The following ARHGAP10 variants were observed in gnomAD, a reference collection of about 807,000 sequenced individuals.
The protein encoded by ARHGAP10 is Rho GTPase activating protein 10.
Under a neutral mutation model 108.6 loss-of-function variants are expected in ARHGAP10, and 87 were observed. The observed-to-expected ratio is 0.80, with a 90% CI of 0.67 to 0.96. The LOEUF (loss-of-function observed/expected upper bound fraction) is 0.96, where lower values mean the gene tolerates loss of function less well. Among genes scored for constraint, ARHGAP10 ranks in the 40% least tolerant of loss-of-function variants. The pLI is 0.00. For synonymous variants in ARHGAP10, 347 were observed against 341.1 expected (o/e 1.02, Z -0.19); for missense variants, 939 against 954.5 (o/e 0.98, Z 0.21).
chr4:147,765,340 G>T (rs867814586), intron 1 of ARHGAP10, among the ~76,000 whole-genome samples: 1,523 of 148,100 alleles, frequency 0.01, 49 homozygotes, highest in Middle Eastern at 0.024. Flanking sequence ...GTGTGTGTGG[G>T]GGGGGGGGTG....
At chr4:147,769,543 T>A (rs1579021931) in intron 1 of ARHGAP10, among the ~76,000 whole-genome samples, 1 of 152,326 alleles carries the variant, frequency 6.6e-6, no homozygotes, top group African/African-American at 2.4e-5. Context: ...TTCCCGGGGA[T>A]TTCCGTATGT....
chr4:148,032,490 A>G (rs183283455), intron 19 of ARHGAP10, among the ~76,000 whole-genome samples: 1 of 152,278 alleles, frequency 6.6e-6, no homozygotes, highest in East Asian at 1.9e-4. Context: ...CTGTAGGTAT[A>G]TGCCAAACAT....
chr4:147,990,345 G>C (rs1243679184), intron 18 of ARHGAP10, among the ~76,000 whole-genome samples: 1 of 152,200 alleles, frequency 6.6e-6, no homozygotes, highest in Non-Finnish European at 1.5e-5. Flanking sequence ...ATGAATGTTA[G>C]CCAGAAAATG....
chr4:148,040,820 G>GA (rs1473054906), intron 19 of ARHGAP10, among the ~76,000 whole-genome samples: 1 of 151,820 alleles, frequency 6.6e-6, no homozygotes, highest in Non-Finnish European at 1.5e-5. Flanking sequence ...GATTTGGGGG[G>GA]GGTTATTTGG....
intron 18 of ARHGAP10, among the ~76,000 whole-genome samples, chr4:148,006,926 G>A (rs1740973922): frequency 6.6e-6 from 1 of 152,090 alleles, no homozygotes; most frequent in South Asian, 2.1e-4. Flanking sequence ...CTTATCAGTG[G>A]ACCTTTGTGG....
intron 18 of ARHGAP10, among the ~76,000 whole-genome samples, 167 bp downstream of exon 18, chr4:147,967,006 G>T (rs1445006593): frequency 6.6e-6 from 1 of 152,172 alleles, no homozygotes; most frequent in East Asian, 1.9e-4. Context: ...TCTGTCTTCT[G>T]ATGGAGTTCC....
rs35472561 is a variant in ARHGAP10 at position 148,017,652 on chromosome 4, C to CTATATATATATATATA, written c.1717-5595_1717-5580dup. Among the ~76,000 whole-genome samples the CTATATATATATATATA allele has an allele frequency of 7.4e-4, 78 of 105,278 alleles. 1 individual carries two copies. The highest frequency in any genetic ancestry group is 2.5e-3 in the African/African-American group (59 of 23,596). The allele number at this position is 105,278 out of a possible 152,430, so 69.1% of individuals were successfully genotyped here. ...AGCTGTGACAGTTATGAGCCAGTAA[C>CTATATATATATATATA]TATATATATATATATATATATATAT... is the stretch of plus-strand genomic sequence containing the variant. On this transcript the variant is annotated intron_variant, in intron 18 of 22. Coordinates refer to ENST00000336498, the MANE Select transcript of ARHGAP10 (RefSeq NM_024605.4).
intron 18 of ARHGAP10, among the ~76,000 whole-genome samples, chr4:147,970,219 G>A (rs1294798803): frequency 6.6e-6 from 1 of 152,152 alleles, no homozygotes; most frequent in African/African-American, 2.4e-5. Flanking sequence ...TCATATGGAT[G>A]CGTGGATCTA....
intron 4 of ARHGAP10, among the ~76,000 whole-genome samples, chr4:147,848,453 C>T (rs902950709): frequency 3.3e-5 from 5 of 152,180 alleles, no homozygotes; most frequent in Non-Finnish European, 7.3e-5. Flanking sequence ...ACTTCTGCGA[C>T]CTTGACTAAG....
At chr4:148,055,011 A>G (rs1194898674) in intron 20 of ARHGAP10, among the ~76,000 whole-genome samples, 1 of 152,220 alleles carries the variant, frequency 6.6e-6, no homozygotes, top group Admixed American at 6.5e-5. Flanking sequence ...ATTTTCTGAA[A>G]TGAAGTTACA....
rs563132447 is a variant in ARHGAP10, at chr4:147,794,874, G to A, written c.155-27853G>A. 7.2e-5 allele frequency among the ~76,000 whole-genome samples: 11 copies of A among 152,252 alleles called. No individual in the cohort carries two copies. In the East Asian group the frequency reaches 2.1e-3, roughly 29 times the overall value. The stretch of plus-strand genomic sequence containing the variant: ...ATGTAAGTATAGGACAGTGTAACCA[G>A]TTCCCCTTCTGATAGACATCTAGGT... On this transcript the variant is annotated intron_variant, in intron 1 of 22. Transcript: ENST00000336498.
At chr4:148,003,196 T>C (rs1376857295) in intron 18 of ARHGAP10, among the ~76,000 whole-genome samples, 1 of 152,204 alleles carries the variant, frequency 6.6e-6, no homozygotes, top group African/African-American at 2.4e-5. Flanking sequence ...CAGGAGCAGG[T>C]TGTTCAGTTT....
At chr4:148,049,354 C>T (rs1349357225) in intron 20 of ARHGAP10, among the ~76,000 whole-genome samples, 1 of 152,208 alleles carries the variant, frequency 6.6e-6, no homozygotes, top group Non-Finnish European at 1.5e-5. Flanking sequence ...GCCTCCAGGG[C>T]TGTGCTGAGT....
intron 13 of ARHGAP10, among the ~76,000 whole-genome samples, chr4:147,926,536 G>A (rs1176850031): frequency 6.6e-6 from 1 of 152,110 alleles, no homozygotes; most frequent in African/African-American, 2.4e-5. Flanking sequence ...ATAGAGACTG[G>A]TTTTAGATAT....
At chr4:147,936,571 C>T (rs1737953807) in intron 13 of ARHGAP10, among the ~76,000 whole-genome samples, 2 of 151,900 alleles carry the variant, frequency 1.3e-5, no homozygotes, top group African/African-American at 4.8e-5. Flanking sequence ...CCTCATGATC[C>T]ACCCGCCTCG....
intron 7 of ARHGAP10, among the ~76,000 whole-genome samples, chr4:147,873,064 C>G (rs1734903718): frequency 6.6e-6 from 1 of 152,196 alleles, no homozygotes; most frequent in African/African-American, 2.4e-5. Flanking sequence ...CATCTATTTC[C>G]TAAGGCTGTC....
intron 19 of ARHGAP10, 85 bp from the exon 20 acceptor site, chr4:148,046,807 T>C: frequency 7.7e-7 from 1 of 1,305,786 alleles, no homozygotes. Context: ...TTTGATTGAC[T>C]AATCAAGTAA....
At chr4:147,867,608 G>A (rs1734617635) in intron 7 of ARHGAP10, among the ~76,000 whole-genome samples, 1 of 152,154 alleles carries the variant, frequency 6.6e-6, no homozygotes, top group Non-Finnish European at 1.5e-5. Flanking sequence ...GTTCATGCCT[G>A]TAATCCCAGC....
At chr4:147,849,963 G>A (rs1256058855) in intron 4 of ARHGAP10, among the ~76,000 whole-genome samples, 1 of 152,192 alleles carries the variant, frequency 6.6e-6, no homozygotes, top group Admixed American at 6.5e-5. Flanking sequence ...TCTGGGTCGG[G>A]TGGGGACTTG....
Sources: allele counts gnomAD v4.1 joint callset (sites outside exome capture counted in the v4.1 genomes callset), GRCh38; gene constraint gnomAD v4.1.1; transcripts MANE v1.5; gene names NCBI Gene and HGNC (gene_info 2026-07-23, HGNC 2026-07-21).